BAHCC1: variants seen among roughly 807,000 people sequenced by gnomAD.
The protein encoded by BAHCC1 is BAH and coiled-coil domain-containing protein 1.
In BAHCC1, 43 loss-of-function variants were observed where a neutral mutation model predicts 88.2. The ratio of observed to expected loss-of-function variants is 0.49; its 90% confidence interval spans 0.38 to 0.63. The LOEUF (loss-of-function observed/expected upper bound fraction) is 0.63, where lower values mean the gene tolerates loss of function less well. Ranked by LOEUF, BAHCC1 falls within the 20% of genes least tolerant of loss-of-function variation. BAHCC1 has a pLI of 0.00. For synonymous variants in BAHCC1, 1,510 were observed against 745.5 expected (o/e 2.03, Z -16.71); for missense variants, 3,023 against 1,654.8 (o/e 1.83, Z -14.34).
chr17:81,402,490 C>T (rs2143190281), intron 2 of BAHCC1: 1 of 152,358 alleles, frequency 6.6e-6, no homozygotes, highest in Middle Eastern at 3.4e-3. Flanking sequence ...GTGCGGACTT[C>T]CACATGGCTG....
At chr17:81,418,795 G>GTGTA (rs1214272826) in intron 2 of BAHCC1, among the ~76,000 whole-genome samples, 31 of 53,954 alleles carry the variant, frequency 5.7e-4, no homozygotes, top group South Asian at 3.3e-3. Context: ...GTACGTGTGT[G>GTGTA]CGTGTGTGTG....
At chr17:81,463,004 G>GC (rs1568040652) in intron 27 of BAHCC1, 28 bp downstream of exon 27, 2 of 770,998 alleles carry the variant, frequency 2.6e-6, no homozygotes, top group South Asian at 2.7e-5. Context: ...GTGGGGCCCA[G>GC]CCCCCCTCGG....
In BAHCC1 at chr17:81,462,730, T is replaced by TC. The variant is rs142855767; in HGVS notation, c.7384-5dup. On this transcript the variant is annotated splice_polypyrimidine_tract_variant and intron_variant, in intron 26 of 27. Coordinates refer to ENST00000675386, the MANE Select transcript of BAHCC1 (RefSeq NM_001377448.1). ...GCCTCTCAGAGCCACCCTGCCCATG[T>TC]CCCCCACAGCGGCGTGGCATGAAGG... 3,412 of 741,874 alleles carry TC rather than the reference T, an allele frequency of 4.6e-3. 89 individuals are homozygous for TC. The African/African-American group carries it at 0.052, about 11-fold the overall frequency. 46.0% of individuals were successfully genotyped at this position (741,874 alleles called of 1,614,324 possible).
chr17:81,412,955 C>T (rs983899598), intron 2 of BAHCC1: 2 of 273,200 alleles, frequency 7.3e-6, no homozygotes, highest in South Asian at 2.7e-5. Flanking sequence ...AGTGAGAGAG[C>T]GCAGGACGGA....
In BAHCC1 at chr17:81,457,467, G is replaced by A. The variant is rs868911309; in HGVS notation, c.4916G>A (p.Arg1639Lys). The A allele has an allele frequency of 1.3e-6, 1 of 771,356 alleles. No individual in the cohort carries two copies. The highest frequency in any genetic ancestry group is 1.4e-5 in the South Asian group (1 of 73,006). 47.8% of individuals were successfully genotyped at this position (771,356 alleles called of 1,614,324 possible). ...CTCCTGGGGACAGAGGCACCACCCA[G>A]GGAAGCAGGGCTGCTGCTGCACACC... The part of the protein sequence containing the change: ...EGLLGTEAPP[R>K]EAGLLLHTGA... The change falls in exon 17 of 28, where the codon AGG becomes AAG. Residue 1639 changes from arginine to lysine, a missense_variant. Coordinates refer to ENST00000675386, the MANE Select transcript of BAHCC1 (RefSeq NM_001377448.1).
chr17:81,422,803 AG>A (rs1401246436), intron 2 of BAHCC1: 1 of 439,878 alleles, frequency 2.3e-6, no homozygotes, highest in East Asian at 7.9e-5. Flanking sequence ...CATCCCGAGG[AG>A]GAAAAGGCGG....
At chr17:81,436,895 C>G (rs1218577595) in intron 3 of BAHCC1, among the ~76,000 whole-genome samples, 2 of 152,302 alleles carry the variant, frequency 1.3e-5, no homozygotes, top group Admixed American at 6.5e-5. Flanking sequence ...TCCCTGTGCT[C>G]ACGCCCTACA....
chr17:81,411,423 A>T lies in BAHCC1; in HGVS notation c.178+11506A>T. 1 of 178,424 alleles carries T rather than the reference A, an allele frequency of 5.6e-6. No homozygotes were observed. Among genetic ancestry groups the T allele is most frequent in the South Asian group, 3.4e-5 (1 of 29,828 alleles). The allele number at this position is 178,424 out of a possible 1,614,324, so 11.1% of individuals were successfully genotyped here. ...TCCACTGCATTCAAATTGATCAGGG[A>T]GGGTGGGGTTGGGGGGGAACAGGGT... On this transcript the variant is annotated intron_variant, in intron 2 of 27. Coordinates refer to ENST00000675386, the MANE Select transcript of BAHCC1 (RefSeq NM_001377448.1). The surrounding 1 kb of genome is among the most constrained non-coding windows in gnomAD (Gnocchi z 6.2).
chr17:81,461,337 C>A lies in BAHCC1; in HGVS notation c.6674C>A (p.Ala2225Glu). 1 of 733,396 alleles carries A rather than the reference C, an allele frequency of 1.4e-6. No homozygotes were observed. The highest frequency in any genetic ancestry group is 1.5e-5 in the South Asian group (1 of 68,032). The allele number at this position is 733,396 out of a possible 1,614,324, so 45.4% of individuals were successfully genotyped here. A position where few individuals can be genotyped will look rare whatever the true frequency, so the allele number is the denominator to read the frequency against. Reference sequence around the variant, plus strand: ...TCCCCCAAGAACAAGACCTGCAAGGCGTTGCTCATGGGGGACAAGGACTTC... The same window carrying A: ...TCCCCCAAGAACAAGACCTGCAAGGAGTTGCTCATGGGGGACAAGGACTTC... ...VTSPKNKTCK[A>E]LLMGDKDFSP... The change falls in exon 26 of 28, where the codon GCG becomes GAG. Residue 2225 changes from alanine to glutamate, a missense_variant. Coordinates refer to ENST00000675386, the MANE Select transcript of BAHCC1 (RefSeq NM_001377448.1).
At chr17:81,432,174 T>C (rs1168881231) in intron 3 of BAHCC1, among the ~76,000 whole-genome samples, 7 of 152,156 alleles carry the variant, frequency 4.6e-5, no homozygotes, top group Non-Finnish European at 1.0e-4. Context: ...TGTCCACTGC[T>C]GGGGCCAGTG....
chr17:81,424,258 G>T (rs2064148537), intron 2 of BAHCC1, among the ~76,000 whole-genome samples: 2 of 152,206 alleles, frequency 1.3e-5, no homozygotes, highest in African/African-American at 4.8e-5. Context: ...GCCTGGAGGG[G>T]CCGAGACTGT....
chr17:81,463,032 A>T (rs1400943844), intron 27 of BAHCC1, 56 bp downstream of exon 27: 1 of 744,938 alleles, frequency 1.3e-6, no homozygotes, highest in Non-Finnish European at 2.5e-6. Flanking sequence ...GGGAGGGGAC[A>T]CGACAGCAGC....
chr17:81,413,556 C>T (rs940607437), intron 2 of BAHCC1, among the ~76,000 whole-genome samples: 31 of 152,230 alleles, frequency 2.0e-4, no homozygotes, highest in African/African-American at 6.5e-4. Flanking sequence ...GTGCTGTCCA[C>T]GCAGGTGCAG....
chr17:81,461,796 C>A lies in BAHCC1; in HGVS notation c.7133C>A (p.Ser2378Tyr). ...CTGGCCCAGCCCGAGGCCCTGCGCT[C>A]CAAGGGCAGCGGCCCTCACGCGCAT... ...TLLAQPEALR[S>Y]KGSGPHAHAQ... Residue 2378 changes from serine to tyrosine, a missense_variant, in exon 26 of 28, where the codon TCC becomes TAC. Ser to Tyr is a moderately radical substitution (Grantham distance 144). Transcript: ENST00000675386. 1 of 716,032 alleles carries A rather than the reference C, an allele frequency of 1.4e-6. No individual in the cohort carries two copies. Among genetic ancestry groups the A allele is most frequent in the South Asian group, 1.5e-5 (1 of 67,464 alleles). 44.4% of individuals were successfully genotyped at this position (716,032 alleles called of 1,614,324 possible).
At chr17:81,460,026 G>A (rs2030107666) in intron 23 of BAHCC1, among the ~76,000 whole-genome samples, 1 of 152,106 alleles carries the variant, frequency 6.6e-6, no homozygotes, top group South Asian at 2.1e-4. Flanking sequence ...GGGCACGTGG[G>A]CGTCAGCACG....
intron 3 of BAHCC1, among the ~76,000 whole-genome samples, chr17:81,427,381 GC>G (rs1435950247): frequency 3.3e-5 from 5 of 152,172 alleles, no homozygotes; most frequent in Admixed American, 1.3e-4. Flanking sequence ...GGAGGAGGGG[GC>G]CGGGGCGGGG....
chr17:81,446,240 G>A (rs912458369), intron 10 of BAHCC1, among the ~76,000 whole-genome samples: 7 of 152,228 alleles, frequency 4.6e-5, no homozygotes, highest in Non-Finnish European at 1.0e-4. Context: ...GTCAGGAGAT[G>A]GAGCTAGCAG....
intron 2 of BAHCC1, among the ~76,000 whole-genome samples, chr17:81,404,656 GT>G (rs1203290622): frequency 6.6e-6 from 1 of 152,230 alleles, no homozygotes; most frequent in African/African-American, 2.4e-5. Flanking sequence ...CTTTAAGAGT[GT>G]TTTAACAATC....
At chr17:81,400,385 C>A (rs192529235) in intron 2 of BAHCC1, among the ~76,000 whole-genome samples, 201 of 152,166 alleles carry the variant, frequency 1.3e-3, no homozygotes, top group African/African-American at 4.6e-3. Flanking sequence ...GTGCGCCGGG[C>A]GAGCGTTAAT....
Sources: allele counts gnomAD v4.1 joint callset (sites outside exome capture counted in the v4.1 genomes callset), GRCh38; gene constraint gnomAD v4.1.1; non-coding constraint Gnocchi (gnomAD v3.1); transcripts MANE v1.5; gene names NCBI Gene and HGNC (gene_info 2026-07-23, HGNC 2026-07-21).